Variants in GPR176 observed in about 807,000 individuals in gnomAD.
GPR176 encodes G protein-coupled receptor 176.
GPR176 carries 26 observed loss-of-function variants against 35.4 expected under a neutral mutation model. That is an observed-to-expected ratio of 0.74 (90% CI 0.54 to 1.02). The LOEUF is 1.02. Among genes scored for constraint, GPR176 ranks in the 50% least tolerant of loss-of-function variants. GPR176 has a pLI of 0.00. For missense variants in GPR176, 597 were observed against 665.3 expected (o/e 0.90, Z 1.13); for synonymous variants, 278 against 271.3 (o/e 1.02, Z -0.24).
intron 1 of GPR176, among the ~76,000 whole-genome samples, chr15:39,899,740 T>C (rs979066214): frequency 2.6e-5 from 4 of 152,216 alleles, no homozygotes; most frequent in Non-Finnish European, 4.4e-5. Flanking sequence ...GCAGTAGACA[T>C]AGTATATCTG....
intron 1 of GPR176, among the ~76,000 whole-genome samples, chr15:39,837,569 T>A (rs1432983653): frequency 6.6e-6 from 1 of 152,182 alleles, no homozygotes; most frequent in African/African-American, 2.4e-5. Flanking sequence ...CCATTATACT[T>A]TGTTTACATT....
intron 1 of GPR176, among the ~76,000 whole-genome samples, chr15:39,825,871 T>A (rs1051471210): frequency 6.6e-6 from 1 of 152,166 alleles, no homozygotes; most frequent in African/African-American, 2.4e-5. Flanking sequence ...TGAGGCATCA[T>A]TTTTATGGCA....
At chr15:39,850,541 T>C (rs777952522) in intron 1 of GPR176, among the ~76,000 whole-genome samples, 1 of 152,004 alleles carries the variant, frequency 6.6e-6, no homozygotes, top group Non-Finnish European at 1.5e-5. Flanking sequence ...AGATTGGTGG[T>C]TGCTAGGGGT....
intron 1 of GPR176, among the ~76,000 whole-genome samples, chr15:39,887,106 G>A (rs1489267295): frequency 6.6e-6 from 1 of 152,172 alleles, no homozygotes; most frequent in African/African-American, 2.4e-5. Context: ...CCTCACTCCA[G>A]AGGCTGTGGT....
At chr15:39,857,542 T>C (rs889514710) in intron 1 of GPR176, among the ~76,000 whole-genome samples, 1 of 151,850 alleles carries the variant, frequency 6.6e-6, no homozygotes, top group Non-Finnish European at 1.5e-5. Flanking sequence ...TGGTGGTGCA[T>C]GTCTGTAGTC....
At chr15:39,822,227 A>G (rs1900321672) in intron 1 of GPR176, among the ~76,000 whole-genome samples, 1 of 152,180 alleles carries the variant, frequency 6.6e-6, no homozygotes. Flanking sequence ...ATACCCAGCT[A>G]AGCTGTTCCT....
intron 1 of GPR176, among the ~76,000 whole-genome samples, chr15:39,829,884 G>A (rs1010385558): frequency 6.6e-6 from 1 of 152,118 alleles, no homozygotes; most frequent in Non-Finnish European, 1.5e-5. Context: ...GGTGATATGT[G>A]TTAATTGGAA....
chr15:39,914,591 T>C (rs1295936057), intron 1 of GPR176, among the ~76,000 whole-genome samples: 2 of 152,218 alleles, frequency 1.3e-5, no homozygotes, highest in Non-Finnish European at 1.5e-5. Context: ...ATTACAGGCA[T>C]GAGCCACCAC....
intron 2 of GPR176, among the ~76,000 whole-genome samples, chr15:39,805,735 G>C (rs1297150160): frequency 6.6e-6 from 1 of 152,234 alleles, no homozygotes; most frequent in Non-Finnish European, 1.5e-5. Context: ...ATCTAAGGAA[G>C]AATGTGCCAT....
chr15:39,847,008 A>C (rs2030476849), intron 1 of GPR176, among the ~76,000 whole-genome samples: 1 of 152,178 alleles, frequency 6.6e-6, no homozygotes, highest in Non-Finnish European at 1.5e-5. Flanking sequence ...AAAACTGGAA[A>C]GAGTAAAGGG....
At chr15:39,810,024 A>G (rs1595436635) in intron 1 of GPR176, among the ~76,000 whole-genome samples, 1 of 152,032 alleles carries the variant, frequency 6.6e-6, no homozygotes, top group African/African-American at 2.4e-5. Context: ...GGGCGCCTAT[A>G]GTACCAGCTG....
chr15:39,899,884 G>A (rs2033224945), intron 1 of GPR176, among the ~76,000 whole-genome samples: 1 of 152,080 alleles, frequency 6.6e-6, no homozygotes, highest in Admixed American at 6.5e-5. Context: ...AAATGGTTTT[G>A]ACTAGTAAAT....
At chr15:39,810,448 C>T (rs1899475368) in intron 1 of GPR176, among the ~76,000 whole-genome samples, 1 of 152,088 alleles carries the variant, frequency 6.6e-6, no homozygotes, top group African/African-American at 2.4e-5. Flanking sequence ...TCCTTTTAAA[C>T]CGGTTTATTG....
At chr15:39,821,287 GA>G (rs1225774160) in intron 1 of GPR176, among the ~76,000 whole-genome samples, 3 of 152,154 alleles carry the variant, frequency 2.0e-5, no homozygotes, top group African/African-American at 7.2e-5. Flanking sequence ...AAATGCAAGG[GA>G]AAGAATTTTC....
At chr15:39,821,522 A>G (rs1432198897) in intron 1 of GPR176, among the ~76,000 whole-genome samples, 1 of 152,236 alleles carries the variant, frequency 6.6e-6, no homozygotes, top group African/African-American at 2.4e-5. Context: ...TGGATGATAA[A>G]TATTAGCCAA....
intron 1 of GPR176, among the ~76,000 whole-genome samples, chr15:39,885,638 A>G (rs1595506115): frequency 6.6e-6 from 1 of 152,362 alleles, no homozygotes; most frequent in East Asian, 1.9e-4. Context: ...ATAAAGATTT[A>G]TCATAGGAAT....
At chr15:39,876,731 A>G (rs1052511939) in intron 1 of GPR176, among the ~76,000 whole-genome samples, 2 of 151,654 alleles carry the variant, frequency 1.3e-5, no homozygotes, top group Non-Finnish European at 1.5e-5. Context: ...GCCACTTGGG[A>G]GGTGGGAGGA....
At chr15:39,897,662 G>A (rs1170024441) in intron 1 of GPR176, among the ~76,000 whole-genome samples, 3 of 141,078 alleles carry the variant, frequency 2.1e-5, no homozygotes, top group Admixed American at 7.6e-5. Flanking sequence ...GCCGGACTGC[G>A]GACTGCAGTG....
intron 1 of GPR176, among the ~76,000 whole-genome samples, chr15:39,893,857 G>A (rs573928512): frequency 0.032 from 4,241 of 133,062 alleles, 261 homozygotes; most frequent in Admixed American, 0.12. Flanking sequence ...AGGGGCGGCC[G>A]GGCAGAGGCG....
Sources: allele counts gnomAD v4.1 joint callset (sites outside exome capture counted in the v4.1 genomes callset), GRCh38; gene constraint gnomAD v4.1.1; transcripts MANE v1.5; gene names NCBI Gene and HGNC (gene_info 2026-07-23, HGNC 2026-07-21).